Variants in NAALADL2 observed in about 807,000 individuals in gnomAD.
NAALADL2 encodes inactive N-acetylated-alpha-linked acidic dipeptidase-like protein 2.
NAALADL2 carries 76 observed loss-of-function variants against 87.2 expected under a neutral mutation model. That is an observed-to-expected ratio of 0.87 (90% CI 0.72 to 1.05). The LOEUF (loss-of-function observed/expected upper bound fraction) is 1.05, where lower values mean the gene tolerates loss of function less well. Ranked by LOEUF, NAALADL2 falls within the 50% of genes least tolerant of loss-of-function variation. The pLI is 0.00. For synonymous variants in NAALADL2, 354 were observed against 331.0 expected, an observed-to-expected ratio of 1.07 and a Z score of -0.75; for missense variants, 1,089 against 945.8, an observed-to-expected ratio of 1.15 and a Z score of -1.99.
chr3:175,699,906 G>A (rs1738749162), intron 11 of NAALADL2, among the ~76,000 whole-genome samples: 1 of 152,086 alleles, frequency 6.6e-6, no homozygotes, highest in Admixed American at 6.6e-5. Context: ...CAGAGGACAG[G>A]AGATTCAAAG....
At chr3:174,686,789 A>C (rs1010483762) in intron 2 of NAALADL2, among the ~76,000 whole-genome samples, 6 of 152,102 alleles carry the variant, frequency 3.9e-5, no homozygotes, top group Non-Finnish European at 8.8e-5. Flanking sequence ...GCCAGAATCA[A>C]CTCAAGATGG....
At chr3:174,826,635 T>G (rs1449997602) in intron 3 of NAALADL2, among the ~76,000 whole-genome samples, 1 of 152,216 alleles carries the variant, frequency 6.6e-6, no homozygotes, top group Non-Finnish European at 1.5e-5. Flanking sequence ...ATTACTTAAC[T>G]TTTTTCAATA....
intron 3 of NAALADL2, among the ~76,000 whole-genome samples, chr3:175,246,029 G>A (rs940504064): frequency 7.9e-5 from 12 of 152,156 alleles, no homozygotes; most frequent in Middle Eastern, 3.4e-3. Context: ...AATACATTGT[G>A]GTCTTCATGA....
intron 1 of NAALADL2, among the ~76,000 whole-genome samples, chr3:174,931,473 A>T (rs1295766687): frequency 6.6e-6 from 1 of 152,206 alleles, no homozygotes; most frequent in Non-Finnish European, 1.5e-5. Flanking sequence ...TATGTAAAAC[A>T]CTTCAAATAG....
chr3:174,875,973 A>C (rs1412463014), intron 1 of NAALADL2, among the ~76,000 whole-genome samples: 1 of 152,084 alleles, frequency 6.6e-6, no homozygotes, highest in Non-Finnish European at 1.5e-5. Flanking sequence ...AAGATAGATA[A>C]AAGTGAAACC....
At chr3:175,103,849 T>C (rs917784223) in intron 2 of NAALADL2, among the ~76,000 whole-genome samples, 1 of 152,136 alleles carries the variant, frequency 6.6e-6, no homozygotes, top group African/African-American at 2.4e-5. Context: ...ATTTAGTATG[T>C]TTTTATGGTC....
intron 2 of NAALADL2, among the ~76,000 whole-genome samples, chr3:174,712,628 C>T (rs1044963008): frequency 2.4e-4 from 37 of 151,854 alleles, no homozygotes; most frequent in Admixed American, 7.2e-4. Flanking sequence ...CTTCATGATC[C>T]ACCCGCCTCA....
chr3:174,725,045 T>C (rs1023540241), intron 2 of NAALADL2, among the ~76,000 whole-genome samples: 1 of 152,150 alleles, frequency 6.6e-6, no homozygotes, highest in Non-Finnish European at 1.5e-5. Flanking sequence ...TGCCTTTCAG[T>C]ATTTGAAGAG....
chr3:175,564,003 A>G (rs1297089742), intron 9 of NAALADL2, among the ~76,000 whole-genome samples: 1 of 152,192 alleles, frequency 6.6e-6, no homozygotes. Flanking sequence ...AGACTTGGAC[A>G]TATTACTGCT....
intron 1 of NAALADL2, among the ~76,000 whole-genome samples, chr3:174,460,555 G>T (rs894183967): frequency 6.6e-6 from 1 of 151,800 alleles, no homozygotes; most frequent in Non-Finnish European, 1.5e-5. Flanking sequence ...ACCTAGAGCA[G>T]CAATGTTAAG....
intron 5 of NAALADL2, among the ~76,000 whole-genome samples, chr3:175,331,570 T>C (rs765916780): frequency 8.5e-5 from 13 of 152,154 alleles, no homozygotes; most frequent in Non-Finnish European, 1.8e-4. Context: ...TCCATTGTGA[T>C]AAAAATTCTG....
At chr3:175,075,042 CATT>C (rs1437856037) in intron 1 of NAALADL2, among the ~76,000 whole-genome samples, 1 of 152,062 alleles carries the variant, frequency 6.6e-6, no homozygotes, top group Non-Finnish European at 1.5e-5. Flanking sequence ...GGACAGTTAA[CATT>C]ATTGAACACT....
In NAALADL2 at chr3:174,952,044, T is replaced by C. The variant is rs191213537; in HGVS notation, c.43+92594T>C. Among the ~76,000 whole-genome samples the C allele has an allele frequency of 2.8e-3, 431 of 152,282 alleles. 5 individuals carry two copies. The highest frequency in any genetic ancestry group is 9.9e-3 in the African/African-American group (410 of 41,564). ...GTCTAATTCATTAGGCAAACTCTTA[T>C]TCATTTCCAAGGCCAAAGATCAAAC... On this transcript the variant is annotated intron_variant, in intron 1 of 13. Transcript: ENST00000454872.
At chr3:175,330,784 G>A (rs978849467) in intron 5 of NAALADL2, among the ~76,000 whole-genome samples, 11 of 151,944 alleles carry the variant, frequency 7.2e-5, no homozygotes, top group Middle Eastern at 3.2e-3. Context: ...ATACTTAGTA[G>A]AATGAAACAA....
intron 1 of NAALADL2, among the ~76,000 whole-genome samples, chr3:174,993,390 C>A (rs1027006759): frequency 6.6e-6 from 1 of 152,000 alleles, no homozygotes; most frequent in Non-Finnish European, 1.5e-5. Flanking sequence ...TGAGCAAAAC[C>A]AGATTGAGTA....
intron 1 of NAALADL2, among the ~76,000 whole-genome samples, chr3:174,954,862 A>G (rs899685212): frequency 4.6e-5 from 7 of 152,094 alleles, no homozygotes; most frequent in South Asian, 2.1e-4. Context: ...CATGTAATTA[A>G]AGCTTCTCTA....
intron 5 of NAALADL2, among the ~76,000 whole-genome samples, chr3:175,396,295 GCCATCTTTCAGTA>G (rs555307384): frequency 0.011 from 1,599 of 152,026 alleles, 33 homozygotes; most frequent in African/African-American, 0.037. Flanking sequence ...AGAGTAGGAG[GCCATCTTTCAGTA>G]CTGATTTTAA....
At chr3:175,026,402 T>C (rs1380111063) in intron 1 of NAALADL2, among the ~76,000 whole-genome samples, 3 of 150,696 alleles carry the variant, frequency 2.0e-5, no homozygotes, top group Non-Finnish European at 4.4e-5. Flanking sequence ...ATCCCAGCAC[T>C]TTGGGAGGCT....
At chr3:175,361,446 A>T (rs1280577799) in intron 5 of NAALADL2, among the ~76,000 whole-genome samples, 1 of 148,052 alleles carries the variant, frequency 6.8e-6, no homozygotes, top group Non-Finnish European at 1.5e-5. Flanking sequence ...CGCCACACTG[A>T]CTTCCACAAT....
Sources: allele counts gnomAD v4.1 joint callset (sites outside exome capture counted in the v4.1 genomes callset), GRCh38; gene constraint gnomAD v4.1.1; transcripts MANE v1.5; gene names NCBI Gene and HGNC (gene_info 2026-07-23, HGNC 2026-07-21).